STAT1: variants seen among roughly 807,000 people sequenced by gnomAD.
The protein encoded by STAT1 is signal transducer and activator of transcription 1, also known as signal transducer and activator of transcription 1-alpha/beta.
Under a neutral mutation model 111.7 loss-of-function variants are expected in STAT1, and 24 were observed. The ratio of observed to expected loss-of-function variants is 0.21; its 90% CI spans 0.16 to 0.30. STAT1 has a LOEUF of 0.30. STAT1 is among the 10% of genes least tolerant of loss of function. The pLI, the probability that STAT1 is intolerant of heterozygous loss-of-function variation, is 1.00. For synonymous variants in STAT1, 332 were observed against 326.5 expected (o/e 1.02, Z -0.18); for missense variants, 351 against 911.9 (o/e 0.38, Z 7.92).
rs1280360853 is a variant in STAT1, at chr2:190,987,908, A to G, written c.1098-840T>C. Among the ~76,000 whole-genome samples the G allele has an allele frequency of 6.6e-6, 1 of 152,238 alleles. No homozygotes were observed. Among genetic ancestry groups the G allele is most frequent in the Non-Finnish European group, 1.5e-5 (1 of 68,036 alleles). ...TTTAAAATAAAAGGGATAGTATGAT[A>G]AAAGCTGACTTGTCAAAGCTAAGAA... On this transcript the variant is annotated intron_variant, in intron 12 of 24. Transcript: ENST00000361099. This position sits in a 1 kb window ranked among gnomAD's most constrained non-coding sequence, Gnocchi z 4.0.
rs957799758 is a variant in STAT1 at position 190,986,669 on chromosome 2, G to A, written c.1221+185C>T. On this transcript the variant is annotated intron_variant, in intron 14 of 24. Coordinates refer to ENST00000361099, the MANE Select transcript of STAT1 (RefSeq NM_007315.4). The surrounding 1 kb of genome is among the most constrained non-coding windows in gnomAD (Gnocchi z 5.0). Reference sequence around the variant, plus strand: ...TACAGCCCAGAAAACAGAGTGAACAGTCGTGGGATAAGGAGGAGAAACCAA... The same window carrying A: ...TACAGCCCAGAAAACAGAGTGAACAATCGTGGGATAAGGAGGAGAAACCAA... Among the ~76,000 whole-genome samples, 2 of 152,226 alleles carry A rather than the reference G, an allele frequency of 1.3e-5. No homozygotes were observed. Among genetic ancestry groups the A allele is most frequent in the African/African-American group, 4.8e-5 (2 of 41,438 alleles).
chr2:190,985,474 GAT>G (rs1692730481), intron 15 of STAT1, 143 bp downstream of exon 15: 2 of 793,788 alleles, frequency 2.5e-6, no homozygotes, highest in South Asian at 3.0e-5. Context: ...TGTTGTCACA[GAT>G]ATACCAAATA....
At position 190,978,767 on chromosome 2, in the gene STAT1, C is replaced by A; in HGVS notation, c.1873+89G>T. The A allele has an allele frequency of 6.5e-7, 1 of 1,533,142 alleles. No homozygotes were observed. The highest frequency in any genetic ancestry group is 1.2e-5 in the South Asian group (1 of 84,768). 95.0% of individuals were successfully genotyped at this position (1,533,142 alleles called of 1,614,324 possible). On this transcript the variant is annotated intron_variant, in intron 21 of 24. Transcript: ENST00000361099. This position sits in a 1 kb window ranked among gnomAD's most constrained non-coding sequence, Gnocchi z 6.1. ...AAGATCTGCAATTTCATGTCCCAAA[C>A]GCACTATCTGTATGAGCTGACTGGC...
Position 190,990,689 on chromosome 2 carries a change from T to C in STAT1, c.1037+539A>G, listed in dbSNP as rs924956144. On this transcript the variant is annotated intron_variant, in intron 11 of 24. Transcript: ENST00000361099. The surrounding 1 kb of genome is among the most constrained non-coding windows in gnomAD (Gnocchi z 5.1). ...ATTATGTCATGTTTGTGCGTGTGTG[T>C]TTCCGTATGAAATATATATTTGTGT... 6.6e-6 allele frequency among the ~76,000 whole-genome samples: 1 copy of C among 152,224 alleles called. No individual in the cohort carries two copies. Among genetic ancestry groups the C allele is most frequent in the Non-Finnish European group, 1.5e-5 (1 of 68,040 alleles).
rs553598896 is a variant in STAT1 at position 190,982,329 on chromosome 2, G to T, written c.1582+54C>A. The T allele has an allele frequency of 3.8e-5, 60 of 1,598,834 alleles. No individual in the cohort carries two copies. The South Asian group carries it at 5.9e-4, about 16-fold the overall frequency. ...CAGAGGGGAAAAGAGCAATTAGAGA[G>T]ATATTTTTATGAATTTCAATTTTTA... On this transcript the variant is annotated intron_variant, in intron 18 of 24. Coordinates refer to ENST00000361099, the MANE Select transcript of STAT1 (RefSeq NM_007315.4). The surrounding 1 kb of genome is among the most constrained non-coding windows in gnomAD (Gnocchi z 7.3).
Position 190,983,189 on chromosome 2 carries a change from G to A in STAT1, c.1446+453C>T, listed in dbSNP as rs1364739732. Among the ~76,000 whole-genome samples the A allele has an allele frequency of 2.0e-5, 3 of 152,292 alleles. No individual in the cohort carries two copies. The highest frequency in any genetic ancestry group is 6.5e-5 in the Admixed American group (1 of 15,306). ...TATGCATTGATGGGTTGACAAAAAT[G>A]TTGTGACCAGAGGCTTGAAGGAACC... On this transcript the variant is annotated intron_variant, in intron 17 of 24. Coordinates refer to ENST00000361099, the MANE Select transcript of STAT1 (RefSeq NM_007315.4). The surrounding 1 kb of genome is among the most constrained non-coding windows in gnomAD (Gnocchi z 5.7).
chr2:190,978,744 G>A lies in STAT1; in HGVS notation c.1873+112C>T. On this transcript the variant is annotated intron_variant, in intron 21 of 24. Coordinates refer to ENST00000361099, the MANE Select transcript of STAT1 (RefSeq NM_007315.4). The surrounding 1 kb of genome is among the most constrained non-coding windows in gnomAD (Gnocchi z 6.1). ...GGGGGCTCATTTGGGGTAAGTATAA[G>A]ATCTGCAATTTCATGTCCCAAACGC... 1 of 1,404,802 alleles carries A rather than the reference G, an allele frequency of 7.1e-7. No homozygotes were observed. The highest frequency in any genetic ancestry group is 1.4e-5 in the African/African-American group (1 of 70,564). The allele number at this position is 1,404,802 out of a possible 1,614,324, so 87.0% of individuals were successfully genotyped here.
At position 190,976,012 on chromosome 2, in the gene STAT1, G is replaced by A; in HGVS notation, c.2060-125C>T. On this transcript the variant is annotated intron_variant, in intron 22 of 24. Transcript: ENST00000361099. The surrounding 1 kb of genome is among the most constrained non-coding windows in gnomAD (Gnocchi z 6.0). ...ACAGCTTAGCCTCCTAAAACTTTAA[G>A]GAGCTATAACCTCCCTGCCTGAGTC... 4.7e-6 allele frequency: 4 copies of A among 856,924 alleles called. No individual in the cohort carries two copies. The highest frequency in any genetic ancestry group is 7.7e-6 in the Non-Finnish European group (4 of 520,452). 53.1% of individuals were successfully genotyped at this position (856,924 alleles called of 1,614,324 possible). A position where few individuals can be genotyped will look rare whatever the true frequency, so the allele number is the denominator to read the frequency against.
chr2:191,001,668 T>A (rs1694278448), intron 5 of STAT1, among the ~76,000 whole-genome samples: 1 of 152,140 alleles, frequency 6.6e-6, no homozygotes, highest in Non-Finnish European at 1.5e-5. Flanking sequence ...ATGAAATCAC[T>A]CCATTAAGGC....
chr2:191,013,970 G>A (rs1246638983), intron 1 of STAT1, 48 bp downstream of exon 1: 2 of 267,402 alleles, frequency 7.5e-6, no homozygotes, highest in Non-Finnish European at 1.4e-5. Flanking sequence ...CGAGGACTCT[G>A]TCCCTGCGCG....
chr2:190,970,663 A>C lies in STAT1; in HGVS notation c.*40T>G. ...TAGCAGGAGGGAATCACAGATGAGA[A>C]GGAAAACTGTCGCCAGAGAAGATGA... On this transcript the variant is annotated 3_prime_UTR_variant, in exon 25 of 25. Transcript: ENST00000361099. The surrounding 1 kb of genome is among the most constrained non-coding windows in gnomAD (Gnocchi z 5.4). The C allele has an allele frequency of 6.2e-7, 1 of 1,607,632 alleles. No individual in the cohort carries two copies. Among genetic ancestry groups the C allele is most frequent in the Non-Finnish European group, 8.5e-7 (1 of 1,174,530 alleles).
intron 10 of STAT1, 114 bp from the exon 11 acceptor site, chr2:190,991,434 T>A: frequency 2.1e-6 from 2 of 970,028 alleles, no homozygotes; most frequent in Non-Finnish European, 3.2e-6. Flanking sequence ...TAAAAAATCA[T>A]TTGAAAGATT....
In STAT1 at chr2:191,010,021, T is replaced by C; in HGVS notation, c.-1-17A>G. The C allele has an allele frequency of 4.3e-6, 7 of 1,613,602 alleles. No individual in the cohort carries two copies. The highest frequency in any genetic ancestry group is 2.5e-6 in the Non-Finnish European group (3 of 1,179,654). ...TGAGACATCCTATAGGGAAAAAGAA[T>C]ATACATTCTTTCTATGTATATGGAA... On this transcript the variant is annotated splice_polypyrimidine_tract_variant and intron_variant, in intron 2 of 24. Coordinates refer to ENST00000361099, the MANE Select transcript of STAT1 (RefSeq NM_007315.4).
At position 190,977,164 on chromosome 2, in the gene STAT1, A is replaced by G; in HGVS notation, c.1874-139T>C. ...ACAATCTAAGCATTATAACATATAC[A>G]GTAGACTGCTTTATTTCTAAATAAA... On this transcript the variant is annotated intron_variant, in intron 21 of 24. Coordinates refer to ENST00000361099, the MANE Select transcript of STAT1 (RefSeq NM_007315.4). This position sits in a 1 kb window ranked among gnomAD's most constrained non-coding sequence, Gnocchi z 4.7. The G allele has an allele frequency of 1.3e-6, 1 of 765,462 alleles. No homozygotes were observed. The highest frequency in any genetic ancestry group is 2.2e-6 in the Non-Finnish European group (1 of 447,864). 47.4% of individuals were successfully genotyped at this position (765,462 alleles called of 1,614,324 possible).
rs1377201346 is a variant in STAT1 at position 191,003,654 on chromosome 2, C to T, written c.373-2491G>A. Among the ~76,000 whole-genome samples, 2 of 152,020 alleles carry T rather than the reference C, an allele frequency of 1.3e-5. No individual in the cohort carries two copies. Among genetic ancestry groups the T allele is most frequent in the Non-Finnish European group, 2.9e-5 (2 of 68,028 alleles). On this transcript the variant is annotated intron_variant, in intron 5 of 24. Transcript: ENST00000361099. The surrounding 1 kb of genome is among the most constrained non-coding windows in gnomAD (Gnocchi z 4.0). Reference sequence around the variant, plus strand: ...GCTATGACTGTAAGTTTCCTGAGGCCTCCCCAGAAACTGAGCAGATGCCAG... The same window carrying T: ...GCTATGACTGTAAGTTTCCTGAGGCTTCCCCAGAAACTGAGCAGATGCCAG...
At position 191,007,508 on chromosome 2, in the gene STAT1, G is replaced by C. The variant is rs1337154901; in HGVS notation, c.372+55C>G. On this transcript the variant is annotated intron_variant, in intron 5 of 24. Coordinates refer to ENST00000361099, the MANE Select transcript of STAT1 (RefSeq NM_007315.4). This position sits in a 1 kb window ranked among gnomAD's most constrained non-coding sequence, Gnocchi z 4.2. ...GACATGGGCCCTAATAGTATTTGATGAATGAATACATTTTTATTTTATTAC... is the reference window on the plus strand; with the variant it reads ...GACATGGGCCCTAATAGTATTTGATCAATGAATACATTTTTATTTTATTAC... The C allele has an allele frequency of 1.5e-6, 2 of 1,316,792 alleles. No homozygotes were observed. The highest frequency in any genetic ancestry group is 2.2e-6 in the Non-Finnish European group (2 of 913,626). 81.6% of individuals were successfully genotyped at this position (1,316,792 alleles called of 1,614,324 possible).
chr2:191,010,561 A>G (rs1252372722), intron 2 of STAT1: 1 of 244,300 alleles, frequency 4.1e-6, no homozygotes, highest in Admixed American at 5.2e-5. Flanking sequence ...GACTTGCTTT[A>G]AGACAAATCA....
rs1329752306 is a variant in STAT1 at position 191,007,100 on chromosome 2, A to G, written c.372+463T>C. 6.6e-6 allele frequency among the ~76,000 whole-genome samples: 1 copy of G among 152,130 alleles called. No homozygotes were observed. Among genetic ancestry groups the G allele is most frequent in the Admixed American group, 6.5e-5 (1 of 15,274 alleles). On this transcript the variant is annotated intron_variant, in intron 5 of 24. Transcript: ENST00000361099. The surrounding 1 kb of genome is among the most constrained non-coding windows in gnomAD (Gnocchi z 4.2). ...ATAAGGATCCTTCTATATTGGTATC[A>G]CATCCAAAGCATAACCTGAATCTGT... is the stretch of plus-strand genomic sequence containing the variant.
At chr2:191,008,024 A>G (rs927651238) in intron 4 of STAT1, 6 of 459,860 alleles carry the variant, frequency 1.3e-5, no homozygotes, top group Non-Finnish European at 2.2e-5. Flanking sequence ...ACATTCCTCA[A>G]TGAATGCATC....
Sources: allele counts gnomAD v4.1 joint callset (sites outside exome capture counted in the v4.1 genomes callset), GRCh38; gene constraint gnomAD v4.1.1; non-coding constraint Gnocchi (gnomAD v3.1); transcripts MANE v1.5; gene names NCBI Gene and HGNC (gene_info 2026-07-23, HGNC 2026-07-21).